The following LRRC8C variants were observed in gnomAD, a reference collection of about 807,000 sequenced individuals.
LRRC8C encodes the protein leucine rich repeat containing 8 VRAC subunit C, also known as volume-regulated anion channel subunit LRRC8C.
In LRRC8C, 20 loss-of-function variants were observed where a neutral mutation model predicts 55.3. That is an observed-to-expected ratio of 0.36 (90% CI 0.25 to 0.53). The LOEUF (loss-of-function observed/expected upper bound fraction) is 0.53, where lower values mean the gene tolerates loss of function less well. Ranked by LOEUF, LRRC8C falls within the 20% of genes least tolerant of loss-of-function variation. The pLI, the probability that LRRC8C is intolerant of heterozygous loss-of-function variation, is 0.92. For synonymous variants in LRRC8C, 376 were observed against 360.7 expected, an observed-to-expected ratio of 1.04 and a Z score of -0.48; for missense variants, 659 against 951.4, an observed-to-expected ratio of 0.69 and a Z score of 4.04.
At chr1:89,702,433 C>A (rs1658358170) in intron 2 of LRRC8C, among the ~76,000 whole-genome samples, 1 of 152,032 alleles carries the variant, frequency 6.6e-6, no homozygotes, top group African/African-American at 2.4e-5. Context: ...AAGATCAAGA[C>A]ATAACATTTA....
At chr1:89,705,912 A>C (rs1658468516) in intron 2 of LRRC8C, among the ~76,000 whole-genome samples, 1 of 152,184 alleles carries the variant, frequency 6.6e-6, no homozygotes, top group Admixed American at 6.5e-5. Flanking sequence ...GAAAGGCACA[A>C]AATTAGATGC....
At chr1:89,652,446 A>G (rs1234371227) in intron 1 of LRRC8C, among the ~76,000 whole-genome samples, 1 of 152,226 alleles carries the variant, frequency 6.6e-6, no homozygotes, top group Non-Finnish European at 1.5e-5. Flanking sequence ...TGAAGCTTCA[A>G]GTAATCAACC....
rs544090706 is a variant in LRRC8C at position 89,678,732 on chromosome 1, A to G, written c.-4-7738A>G. On this transcript the variant is annotated intron_variant, in intron 1 of 2. Transcript: ENST00000370454. ...AAAAAAAACGAAAGGAAGAAACACA[A>G]TAAATGAGGGTTTTTTGACAGACTG... 2.8e-4 allele frequency among the ~76,000 whole-genome samples: 28 copies of G among 100,234 alleles called. No homozygotes were observed. The South Asian group carries it at 4.2e-3, about 15-fold the overall frequency. The allele number at this position is 100,234 out of a possible 152,430, so 65.8% of individuals were successfully genotyped here.
intron 2 of LRRC8C, among the ~76,000 whole-genome samples, chr1:89,691,885 AT>A (rs1658036414): frequency 6.6e-6 from 1 of 152,246 alleles, no homozygotes; most frequent in South Asian, 2.1e-4. Flanking sequence ...AAAAGTATCA[AT>A]TTTATGAATT....
intron 2 of LRRC8C, among the ~76,000 whole-genome samples, chr1:89,706,125 T>G (rs1379352944): frequency 6.6e-6 from 1 of 152,184 alleles, no homozygotes; most frequent in East Asian, 1.9e-4. Flanking sequence ...ATTCCTGTGC[T>G]TGACTTTGAA....
chr1:89,656,879 C>T (rs1028417400), intron 1 of LRRC8C, among the ~76,000 whole-genome samples: 1 of 152,058 alleles, frequency 6.6e-6, no homozygotes, highest in African/African-American at 2.4e-5. Context: ...AGCAAGAAGT[C>T]TGGAAATATT....
intron 1 of LRRC8C, among the ~76,000 whole-genome samples, chr1:89,633,731 C>A (rs1656201553): frequency 6.6e-6 from 1 of 152,218 alleles, no homozygotes; most frequent in Admixed American, 6.5e-5. Context: ...CCAGTCCTTT[C>A]CGGTCTATCA....
In LRRC8C at chr1:89,713,968, A is replaced by G. The variant is rs1658729333; in HGVS notation, c.1398A>G (p.Leu466=). The part of the protein sequence containing the change: ...NVMIPATIAQ[L]DNLQELSLHQ... The stretch of plus-strand genomic sequence containing the variant: ...TGATACCAGCCACCATTGCACAGCT[A>G]GACAATCTTCAAGAGCTCTCTCTGC... The change falls in exon 3 of 3, where the codon CTA becomes CTG. Residue 466 remains leucine (L), a synonymous_variant. Transcript: ENST00000370454. The surrounding 1 kb of genome is among the most constrained non-coding windows in gnomAD (Gnocchi z 5.2). The G allele has an allele frequency of 6.2e-6, 10 of 1,613,506 alleles. No homozygotes were observed. In the East Asian group the frequency reaches 2.2e-4, roughly 36 times the overall value.
At chr1:89,655,824 C>T (rs1469238263) in intron 1 of LRRC8C, among the ~76,000 whole-genome samples, 2 of 152,194 alleles carry the variant, frequency 1.3e-5, no homozygotes, top group Non-Finnish European at 2.9e-5. Flanking sequence ...ATGATTAATA[C>T]TAAGCCTGCA....
At chr1:89,632,422 C>A (rs375504448), upstream of LRRC8C, among the ~76,000 whole-genome samples, 38 of 152,286 alleles carry the variant, frequency 2.5e-4, 1 homozygote, top group African/African-American at 8.9e-4. Context: ...TTGGGGATTC[C>A]GGCCTGAAAG....
chr1:89,651,199 A>G (rs1194763995), intron 1 of LRRC8C, among the ~76,000 whole-genome samples: 1 of 152,202 alleles, frequency 6.6e-6, no homozygotes, highest in Non-Finnish European at 1.5e-5. Context: ...GAGTTAGTGC[A>G]AACTGTTTTG....
chr1:89,650,310 C>T (rs1387707223), intron 1 of LRRC8C, among the ~76,000 whole-genome samples: 1 of 152,052 alleles, frequency 6.6e-6, no homozygotes, highest in Non-Finnish European at 1.5e-5. Context: ...AGGGAGCCAG[C>T]AGGATGGCAA....
rs546853532 is a variant in LRRC8C at position 89,686,920 on chromosome 1, C to T, written c.138+309C>T. Among the ~76,000 whole-genome samples the T allele has an allele frequency of 6.6e-5, 10 of 152,300 alleles. No homozygotes were observed. The East Asian group carries it at 1.9e-3, about 29-fold the overall frequency. ...AAATTGGCTTCACAGTGAAATGTAA[C>T]ATATGTCCAGCACCATTGATACTGC... On this transcript the variant is annotated intron_variant, in intron 2 of 2. Coordinates refer to ENST00000370454, the MANE Select transcript of LRRC8C (RefSeq NM_032270.5).
chr1:89,626,996 C>CACACAA, the LRRC8C span, among the ~76,000 whole-genome samples: 1 of 151,272 alleles, frequency 6.6e-6, no homozygotes, highest in Non-Finnish European at 1.5e-5. Flanking sequence ...CACACACACA[C>CACACAA]ACACACACAC....
At chr1:89,646,509 T>C (rs1162787020) in intron 1 of LRRC8C, among the ~76,000 whole-genome samples, 1 of 152,172 alleles carries the variant, frequency 6.6e-6, no homozygotes, top group African/African-American at 2.4e-5. Context: ...ATTCATCATA[T>C]TAAATGATCA....
chr1:89,620,476 TAA>T, the LRRC8C span, among the ~76,000 whole-genome samples: 1 of 148,770 alleles, frequency 6.7e-6, no homozygotes, highest in South Asian at 2.1e-4. Context: ...GAAGATGGTA[TAA>T]AGACACATGC....
intron 2 of LRRC8C, among the ~76,000 whole-genome samples, chr1:89,694,669 A>G (rs1444845441): frequency 7.1e-6 from 1 of 140,766 alleles, no homozygotes; most frequent in Non-Finnish European, 1.5e-5. Flanking sequence ...TCTCACTGCA[A>G]CTCCACTTCC....
chr1:89,679,257 A>T (rs1313514766), intron 1 of LRRC8C, among the ~76,000 whole-genome samples: 8 of 152,332 alleles, frequency 5.3e-5, no homozygotes, highest in Non-Finnish European at 1.0e-4. Context: ...CTCATAAATA[A>T]GATGAGGAAT....
intron 1 of LRRC8C, among the ~76,000 whole-genome samples, chr1:89,640,098 T>C (rs1330770452): frequency 6.6e-6 from 1 of 152,262 alleles, no homozygotes; most frequent in African/African-American, 2.4e-5. Flanking sequence ...GGAATCTTGC[T>C]GTGTTGCCCA....
Sources: gnomAD v4.1 joint callset for allele counts (sites outside exome capture counted in the v4.1 genomes callset) on GRCh38, gnomAD v4.1.1 for gene constraint, Gnocchi (gnomAD v3.1) non-coding constraint, MANE v1.5 for transcripts, NCBI Gene and HGNC (gene_info 2026-07-23, HGNC 2026-07-21) for gene names.